RICTOR: variants seen among roughly 807,000 people sequenced by gnomAD.
The protein encoded by RICTOR is rapamycin-insensitive companion of mTOR.
A neutral mutation model predicts 214.9 loss-of-function variants in RICTOR; 49 were observed. That is an observed-to-expected ratio of 0.23 (90% CI 0.18 to 0.29). The LOEUF (loss-of-function observed/expected upper bound fraction) is 0.29, where lower values mean the gene tolerates loss of function less well. Ranked by LOEUF, RICTOR falls within the 10% of genes least tolerant of loss-of-function variation. The pLI is 1.00. For synonymous variants in RICTOR, 717 were observed against 711.3 expected, an observed-to-expected ratio of 1.01 and a Z score of -0.13; for missense variants, 1,625 against 2,047.0, an observed-to-expected ratio of 0.79 and a Z score of 3.98.
intron 36 of RICTOR, 111 bp downstream of exon 36, chr5:38,944,335 T>C: frequency 6.4e-6 from 7 of 1,096,348 alleles, no homozygotes; most frequent in Non-Finnish European, 8.2e-6. Context: ...CAATGCAGTT[T>C]AGAACTACTG....
intron 15 of RICTOR, among the ~76,000 whole-genome samples, chr5:38,966,108 C>CA (rs1009891875): frequency 1.6e-4 from 24 of 151,166 alleles, no homozygotes; most frequent in South Asian, 4.2e-4. Context: ...AAAAGAAAAA[C>CA]AAAAAAAACA....
intron 27 of RICTOR, 198 bp downstream of exon 27, chr5:38,954,576 G>A: frequency 2.1e-6 from 1 of 483,302 alleles, no homozygotes; most frequent in East Asian, 3.6e-5. Flanking sequence ...TTAATGCATT[G>A]CAAGGCCATT....
chr5:39,074,321 G>A lies in RICTOR; in HGVS notation c.49+8C>T, dbSNP rs1375045906. On this transcript the variant is annotated splice_region_variant and intron_variant, in intron 1 of 37. Coordinates refer to ENST00000357387, the MANE Select transcript of RICTOR (RefSeq NM_152756.5). Reference sequence around the variant, plus strand: ...GGCGGTGGGGAGTGAGGGTTGCAGCGGGCTTACCTCGTACTCGGAGGTTCT... The same window carrying A: ...GGCGGTGGGGAGTGAGGGTTGCAGCAGGCTTACCTCGTACTCGGAGGTTCT... The A allele has an allele frequency of 6.5e-7, 1 of 1,546,732 alleles. No individual in the cohort carries two copies. Among genetic ancestry groups the A allele is most frequent in the Admixed American group, 2.0e-5 (1 of 50,070 alleles).
At chr5:39,069,179 T>C (rs998877117) in intron 2 of RICTOR, among the ~76,000 whole-genome samples, 1 of 152,222 alleles carries the variant, frequency 6.6e-6, no homozygotes, top group Admixed American at 6.5e-5. Context: ...TTATTTTCAG[T>C]ACAGAGGGAG....
In RICTOR at chr5:38,971,929, G is replaced by T. The variant is rs1465011900; in HGVS notation, c.920C>A (p.Ser307Tyr). The change falls in exon 11 of 38, where the codon TCT becomes TAT. Residue 307 changes from serine to tyrosine, a missense_variant. By Grantham distance (144) the Ser-to-Tyr change is moderately radical. This residue lies in a region of RICTOR where 258 missense variants were observed against 393.7 expected (regional missense o/e 0.66). Transcript: ENST00000357387. The stretch of plus-strand genomic sequence containing the variant: ...TACTCCTATTAGAGACTGGATCCCA[G>T]AATTTCCAGGTTTACATAAATTAAT... ...GIINLCKPGNSGIQSLIGVLC... is the reference protein window; with the variant it reads ...GIINLCKPGNYGIQSLIGVLC... 6.1e-6 allele frequency: 9 copies of T among 1,476,390 alleles called. No homozygotes were observed. Among genetic ancestry groups the T allele is most frequent in the Non-Finnish European group, 8.5e-6 (9 of 1,060,060 alleles). The allele number at this position is 1,476,390 out of a possible 1,614,324, so 91.5% of individuals were successfully genotyped here.
At chr5:38,967,882 C>T in intron 12 of RICTOR, 61 bp downstream of exon 12, 3 of 811,724 alleles carry the variant, frequency 3.7e-6, no homozygotes, top group Admixed American at 2.1e-5. Flanking sequence ...CTTTTAGGAA[C>T]TGTCTCCATT....
At chr5:38,964,968 A>G (rs1750099778) in intron 15 of RICTOR, 76 bp from the exon 16 acceptor site, 4 of 826,074 alleles carry the variant, frequency 4.8e-6, no homozygotes, top group Non-Finnish European at 8.0e-6. Context: ...CTGCACATAT[A>G]ATGCTGTATT....
In RICTOR at chr5:39,031,839, T is replaced by C. The variant is rs115996663; in HGVS notation, c.98-10703A>G. Among the ~76,000 whole-genome samples, 724 of 152,312 alleles carry C rather than the reference T, an allele frequency of 4.8e-3. 11 individuals carry two copies. The highest frequency in any genetic ancestry group is 0.017 in the African/African-American group (698 of 41,570). On this transcript the variant is annotated intron_variant, in intron 2 of 37. Transcript: ENST00000357387. Reference sequence around the variant, plus strand: ...CATCTATGATTATTGTGAGCAGATATGACTAAAAGCATACGAAGATTACTG... The same window carrying C: ...CATCTATGATTATTGTGAGCAGATACGACTAAAAGCATACGAAGATTACTG...
intron 2 of RICTOR, among the ~76,000 whole-genome samples, chr5:39,033,334 G>A (rs1282305059): frequency 6.6e-6 from 1 of 151,804 alleles, no homozygotes; most frequent in Non-Finnish European, 1.5e-5. Flanking sequence ...TGGGATCTCA[G>A]CTCACTGCAA....
chr5:38,994,035 A>T (rs2150087571), intron 6 of RICTOR, among the ~76,000 whole-genome samples: 1 of 152,072 alleles, frequency 6.6e-6, no homozygotes, highest in East Asian at 1.9e-4. Context: ...AAAATAAAAT[A>T]AAAAATTAGC....
chr5:39,064,458 C>T (rs1218111514), intron 2 of RICTOR, among the ~76,000 whole-genome samples: 1 of 152,172 alleles, frequency 6.6e-6, no homozygotes, highest in Non-Finnish European at 1.5e-5. Context: ...TATTTTCTCA[C>T]CAATATAAAG....
chr5:38,952,278 A>G lies in RICTOR; in HGVS notation c.3045T>C (p.Leu1015=). The change falls in exon 30 of 38, where the codon CTT becomes CTC. Residue 1015 remains leucine, a synonymous_variant. Transcript: ENST00000357387. ...AACTTAGAGTGCTTGGGATAGATGA[A>G]AGTTCATTACAGAGTTGTTCCACAT... ...PDDVEQLCNE[L]SSIPSTLSLN... The G allele has an allele frequency of 3.1e-6, 5 of 1,613,024 alleles. No individual in the cohort carries two copies. The highest frequency in any genetic ancestry group is 4.2e-6 in the Non-Finnish European group (5 of 1,179,272).
At chr5:39,059,272 T>C (rs988329041) in intron 2 of RICTOR, among the ~76,000 whole-genome samples, 7 of 152,272 alleles carry the variant, frequency 4.6e-5, no homozygotes, top group African/African-American at 1.7e-4. Context: ...AAAGAGTACA[T>C]CTACTGCATG....
intron 3 of RICTOR, among the ~76,000 whole-genome samples, chr5:39,009,300 T>A (rs1443011513): frequency 6.6e-6 from 1 of 152,170 alleles, no homozygotes; most frequent in Non-Finnish European, 1.5e-5. Flanking sequence ...TGACCATTTA[T>A]CACTTAACAT....
chr5:38,954,169 T>A (rs915428389), intron 27 of RICTOR, among the ~76,000 whole-genome samples: 3 of 151,914 alleles, frequency 2.0e-5, no homozygotes, highest in Non-Finnish European at 2.9e-5. Flanking sequence ...TATTGTTCTG[T>A]CACAAAAACA....
chr5:38,949,446 A>G (rs984147045), intron 31 of RICTOR: 2 of 1,569,656 alleles, frequency 1.3e-6, no homozygotes, highest in Non-Finnish European at 1.7e-6. Flanking sequence ...AGCGAGAAAT[A>G]AATAAAAAAA....
Position 38,950,091 on chromosome 5 carries a change from C to G in RICTOR, c.3757G>C (p.Gly1253Arg). Residue 1253 changes from glycine to arginine, a missense_variant, in exon 31 of 38, where the codon GGA becomes CGA. By Grantham distance (125) the Gly-to-Arg change is moderately radical (BLOSUM62 -2). Around this residue, in one of 5 missense-constraint regions of RICTOR, gnomAD observed 1,214 missense variants for 1,470.5 expected, o/e 0.83. Transcript: ENST00000357387. ...VDATTMDTDC[G>R]SMSTVVSTKT... ...GTACTTACCACAGTACTCATGCTTC[C>G]ACAGTCTGTGTCCATAGTTGTAGCA... 1 of 1,612,852 alleles carries G rather than the reference C, an allele frequency of 6.2e-7. No individual in the cohort carries two copies. The highest frequency in any genetic ancestry group is 8.5e-7 in the Non-Finnish European group (1 of 1,179,540).
intron 2 of RICTOR, among the ~76,000 whole-genome samples, chr5:39,031,989 C>CT (rs1756309693): frequency 1.3e-5 from 2 of 152,296 alleles, no homozygotes; most frequent in East Asian, 1.9e-4. Flanking sequence ...TTCAAACAAT[C>CT]TAACATTTCC....
At chr5:39,073,505 G>A (rs1759477580) in intron 2 of RICTOR, among the ~76,000 whole-genome samples, 1 of 152,120 alleles carries the variant, frequency 6.6e-6, no homozygotes, top group African/African-American at 2.4e-5. Flanking sequence ...CAGTCCCAGC[G>A]GCCCGGGAAA....
Sources: allele counts gnomAD v4.1 joint callset (sites outside exome capture counted in the v4.1 genomes callset), GRCh38; gene constraint gnomAD v4.1.1; regional missense constraint gnomAD v4.1.1; transcripts MANE v1.5; gene names NCBI Gene and HGNC (gene_info 2026-07-23, HGNC 2026-07-21).